CSF2RA: variants seen among roughly 807,000 people sequenced by gnomAD.
The protein encoded by CSF2RA is granulocyte-macrophage colony-stimulating factor receptor subunit alpha.
Under a neutral mutation model 51.6 loss-of-function variants are expected in CSF2RA, and 42 were observed. The ratio of observed to expected loss-of-function variants is 0.81; its 90% CI spans 0.64 to 1.05. The LOEUF (loss-of-function observed/expected upper bound fraction) is 1.05. Ranked by LOEUF, CSF2RA falls within the 50% of genes least tolerant of loss-of-function variation. CSF2RA has a pLI of 0.00. For missense variants in CSF2RA, 530 were observed against 501.1 expected, an observed-to-expected ratio of 1.06 and a Z score of -0.55; for synonymous variants, 222 against 193.0, an observed-to-expected ratio of 1.15 and a Z score of -1.24.
intron 7 of CSF2RA, among the ~76,000 whole-genome samples, chrX:1,291,487 T>C (rs2091395402): frequency 6.6e-6 from 1 of 151,676 alleles, no homozygotes; most frequent in South Asian, 2.1e-4. Context: ...CCCAGTGCCC[T>C]GCTCCTGGCT....
downstream of CSF2RA, among the ~76,000 whole-genome samples, chrX:1,310,710 C>T (rs757492044): frequency 1.7e-3 from 252 of 151,566 alleles, no homozygotes; most frequent in African/African-American, 5.8e-3. Context: ...TGCCAGGCCT[C>T]CCTGGGTTAT....
chrX:1,287,679 A>G lies in CSF2RA; in HGVS notation c.220-840A>G, dbSNP rs774746740. Among the ~76,000 whole-genome samples the G allele has an allele frequency of 3.6e-4, 43 of 120,268 alleles. 1 individual carries two copies. The highest frequency in any genetic ancestry group is 3.3e-3 in the Admixed American group (39 of 11,866). The allele number at this position is 120,268 out of a possible 152,430, so 78.9% of individuals were successfully genotyped here. A position where few individuals can be genotyped will look rare whatever the true frequency, so the allele number is the denominator to read the frequency against. On this transcript the variant is annotated intron_variant, in intron 4 of 12. Coordinates refer to ENST00000381529, the MANE Select transcript of CSF2RA (RefSeq NM_172245.4). Reference sequence around the variant, plus strand: ...GGCTGATCTTGAACTCCTGACCTCAAGTGATCCACCCGCCTCGGCCTCCCA... The same window carrying G: ...GGCTGATCTTGAACTCCTGACCTCAGGTGATCCACCCGCCTCGGCCTCCCA...
intron 3 of CSF2RA, among the ~76,000 whole-genome samples, chrX:1,284,810 A>G (rs1370985228): frequency 1.3e-5 from 2 of 151,818 alleles, no homozygotes; most frequent in East Asian, 1.9e-4. Context: ...GATTACAGGT[A>G]CCCGCCACCA....
At chrX:1,314,504 C>T (rs1298321016), downstream of CSF2RA, among the ~76,000 whole-genome samples, 2 of 142,062 alleles carry the variant, frequency 1.4e-5, no homozygotes, top group East Asian at 2.1e-4. Flanking sequence ...TGTGCCTGCC[C>T]AACCGCACTG....
At chrX:1,286,047 C>A (rs1301200017) in intron 4 of CSF2RA, 127 bp downstream of exon 4, 8 of 985,670 alleles carry the variant, frequency 8.1e-6, no homozygotes, top group Middle Eastern at 2.8e-4. Context: ...CTGAGGTGGG[C>A]GGATCACCTG....
chrX:1,296,325 C>G (rs367900974), intron 9 of CSF2RA, among the ~76,000 whole-genome samples: 16,855 of 89,060 alleles, frequency 0.19, 1,278 homozygotes, highest in African/African-American at 0.23. Flanking sequence ...GACCCCTACA[C>G]TCTCCTACCC....
the CSF2RA span, among the ~76,000 whole-genome samples, chrX:1,324,009 G>T: frequency 1.6e-5 from 2 of 123,418 alleles, no homozygotes; most frequent in Non-Finnish European, 3.8e-5. Context: ...GTGAGACTCC[G>T]TCTCAAAAAA....
At chrX:1,306,385 A>G (rs1276256874) in intron 12 of CSF2RA, among the ~76,000 whole-genome samples, 1 of 151,672 alleles carries the variant, frequency 6.6e-6, no homozygotes, top group Admixed American at 6.6e-5. Context: ...GGTGACTCAC[A>G]TCTGTCATCC....
At chrX:1,309,373 C>A in intron 12 of CSF2RA, 29 bp from the exon 13 acceptor site, 2 of 1,607,780 alleles carry the variant, frequency 1.2e-6, no homozygotes, top group Non-Finnish European at 1.7e-6. Flanking sequence ...TCGTGAAGAT[C>A]TGACAGCCTG....
At chrX:1,271,800 A>T (rs1309107985) in intron 1 of CSF2RA, among the ~76,000 whole-genome samples, 2 of 151,996 alleles carry the variant, frequency 1.3e-5, no homozygotes, top group African/African-American at 4.8e-5. Flanking sequence ...TACAGACATG[A>T]ACCACGGAGC....
At chrX:1,281,501 A>C (rs1309588068) in intron 2 of CSF2RA, among the ~76,000 whole-genome samples, 10,315 of 49,532 alleles carry the variant, frequency 0.21, no homozygotes, top group Middle Eastern at 0.28. Flanking sequence ...TCTTCCTCCT[A>C]CTCCTCCTTC....
intron 4 of CSF2RA, among the ~76,000 whole-genome samples, chrX:1,286,367 A>G (rs1482735400): frequency 5.3e-5 from 8 of 151,798 alleles, no homozygotes; most frequent in East Asian, 1.9e-4. Flanking sequence ...TCAGGAGTTC[A>G]AGACCAGGCT....
intron 9 of CSF2RA, among the ~76,000 whole-genome samples, chrX:1,299,014 C>T (rs1250083923): frequency 6.6e-6 from 1 of 152,160 alleles, no homozygotes; most frequent in Non-Finnish European, 1.5e-5. Context: ...GCCAGTGTGG[C>T]CCAGGGGTGG....
downstream of CSF2RA, among the ~76,000 whole-genome samples, chrX:1,311,412 G>T (rs1214978049): frequency 6.6e-6 from 1 of 150,674 alleles, no homozygotes; most frequent in Non-Finnish European, 1.5e-5. Context: ...TGTACAGTCT[G>T]TGGAATCATC....
At chrX:1,291,878 C>T (rs1223414833) in intron 7 of CSF2RA, among the ~76,000 whole-genome samples, 7 of 147,232 alleles carry the variant, frequency 4.8e-5, no homozygotes, top group African/African-American at 1.7e-4. Flanking sequence ...AAGAGATGTC[C>T]CTACTCCACG....
At chrX:1,295,367 T>C in intron 8 of CSF2RA, 60 bp from the exon 9 acceptor site, 1 of 1,598,104 alleles carries the variant, frequency 6.3e-7, no homozygotes, top group Non-Finnish European at 8.6e-7. Flanking sequence ...GTGTGAACCA[T>C]CTACAGTGTT....
intron 10 of CSF2RA, among the ~76,000 whole-genome samples, chrX:1,302,167 C>T (rs1178265479): frequency 1.3e-5 from 2 of 152,012 alleles, no homozygotes; most frequent in East Asian, 1.9e-4. Flanking sequence ...CTGCCCACCT[C>T]GCCCTCCCAA....
downstream of CSF2RA, among the ~76,000 whole-genome samples, chrX:1,314,832 G>GCACTGCACCTGCCCAACCC (rs2084459200): frequency 1.0e-4 from 5 of 48,754 alleles, 1 homozygote; most frequent in East Asian, 4.4e-4. Context: ...CTGCCCAACC[G>GCACTGCACCTGCCCAACCC]CACTGCACCT....
At chrX:1,284,189 G>C (rs28675168) in intron 3 of CSF2RA, among the ~76,000 whole-genome samples, 34,449 of 130,408 alleles carry the variant, frequency 0.26, 4,796 homozygotes, top group African/African-American at 0.34. Flanking sequence ...TTCTTTCTCT[G>C]TCTCTCTTTT....
Sources: gnomAD v4.1 joint callset for allele counts (sites outside exome capture counted in the v4.1 genomes callset) on GRCh38, gnomAD v4.1.1 for gene constraint, MANE v1.5 for transcripts, NCBI Gene and HGNC (gene_info 2026-07-23, HGNC 2026-07-21) for gene names.